SMAP1: variants seen among roughly 807,000 people sequenced by gnomAD.
SMAP1 encodes small ArfGAP 1.
A neutral mutation model predicts 58.5 loss-of-function variants in SMAP1; 24 were observed. The observed-to-expected ratio is 0.41, with a 90% CI of 0.30 to 0.58. The LOEUF (loss-of-function observed/expected upper bound fraction) is 0.58. Among genes scored for constraint, SMAP1 ranks in the 20% least tolerant of loss-of-function variants. The pLI, the probability that SMAP1 is intolerant of heterozygous loss-of-function variation, is 0.29. For synonymous variants in SMAP1, 216 were observed against 196.6 expected (o/e 1.10, Z -0.82); for missense variants, 563 against 566.3 (o/e 0.99, Z 0.06).
rs187530463 is a variant in SMAP1 at position 70,814,902 on chromosome 6, A to C, written c.576+16165A>C. ...CACACTGTGTTGTTAGCTTCTGTACATTGCTAAATGTTTACCTATCATCTA... is the reference window on the plus strand; with the variant it reads ...CACACTGTGTTGTTAGCTTCTGTACCTTGCTAAATGTTTACCTATCATCTA... On this transcript the variant is annotated intron_variant, in intron 6 of 10. Transcript: ENST00000370455. 3.4e-3 allele frequency among the ~76,000 whole-genome samples: 517 copies of C among 152,258 alleles called. 14 individuals carry two copies. The highest frequency in any genetic ancestry group is 0.028 in the Admixed American group (433 of 15,282).
intron 1 of SMAP1, among the ~76,000 whole-genome samples, chr6:70,710,932 G>A (rs1462700367): frequency 2.6e-5 from 4 of 151,966 alleles, no homozygotes; most frequent in Non-Finnish European, 5.9e-5. Flanking sequence ...GGACTCCACA[G>A]GTTCAGGATT....
intron 6 of SMAP1, among the ~76,000 whole-genome samples, chr6:70,834,596 C>G (rs1056364465): frequency 1.3e-5 from 2 of 152,190 alleles, no homozygotes; most frequent in Non-Finnish European, 2.9e-5. Context: ...CTTTAAGACA[C>G]TCTTCAGAGT....
chr6:70,683,417 G>A (rs1356701853), intron 1 of SMAP1, among the ~76,000 whole-genome samples: 1 of 151,794 alleles, frequency 6.6e-6, no homozygotes, highest in African/African-American at 2.4e-5. Context: ...TGATCCACCC[G>A]CCTTGGCCTC....
intron 7 of SMAP1, chr6:70,837,954 G>A (rs866579410): frequency 2.9e-5 from 31 of 1,087,668 alleles, no homozygotes; most frequent in Middle Eastern, 3.8e-4. Context: ...CTGGTACATC[G>A]TACAAATATA....
intron 3 of SMAP1, among the ~76,000 whole-genome samples, chr6:70,771,095 A>C (rs1441781149): frequency 6.6e-6 from 1 of 152,102 alleles, no homozygotes; most frequent in Non-Finnish European, 1.5e-5. Context: ...CTGCTGCCTG[A>C]TCGTTCCTCT....
At chr6:70,853,426 G>A (rs1016214379) in intron 8 of SMAP1, among the ~76,000 whole-genome samples, 7 of 152,064 alleles carry the variant, frequency 4.6e-5, no homozygotes, top group Non-Finnish European at 7.4e-5. Flanking sequence ...AGCAGTTTGT[G>A]CAGCATAATT....
intron 2 of SMAP1, among the ~76,000 whole-genome samples, chr6:70,747,299 C>T (rs137958878): frequency 1.2e-3 from 186 of 152,200 alleles, no homozygotes; most frequent in African/African-American, 4.1e-3. Context: ...AATCACTGAA[C>T]GCATACCACA....
At chr6:70,739,963 T>C (rs1253116021) in intron 2 of SMAP1, among the ~76,000 whole-genome samples, 1 of 152,184 alleles carries the variant, frequency 6.6e-6, no homozygotes, top group Admixed American at 6.5e-5. Context: ...GTTGTTCTGT[T>C]TTTCCATGTC....
intron 1 of SMAP1, among the ~76,000 whole-genome samples, chr6:70,683,566 T>C (rs567413556): frequency 1.3e-5 from 2 of 152,278 alleles, no homozygotes; most frequent in South Asian, 4.1e-4. Context: ...CACATTTCTC[T>C]CTTGACCAGT....
intron 2 of SMAP1, among the ~76,000 whole-genome samples, chr6:70,736,053 T>A (rs1042719369): frequency 6.6e-6 from 1 of 152,144 alleles, no homozygotes; most frequent in Non-Finnish European, 1.5e-5. Context: ...TACTAAGTTT[T>A]TCCTCAAGGT....
intron 6 of SMAP1, among the ~76,000 whole-genome samples, chr6:70,823,649 C>T (rs1304028222): frequency 1.3e-5 from 2 of 152,080 alleles, no homozygotes; most frequent in African/African-American, 2.4e-5. Context: ...TATGTACATC[C>T]TCCCATATAC....
At chr6:70,857,238 A>T in intron 9 of SMAP1, 1 of 417,288 alleles carries the variant, frequency 2.4e-6, no homozygotes, top group Non-Finnish European at 4.2e-6. Context: ...TTTATTTGGA[A>T]TTAACAAGCT....
chr6:70,851,308 G>A (rs1282652658), intron 7 of SMAP1, among the ~76,000 whole-genome samples: 2 of 152,278 alleles, frequency 1.3e-5, no homozygotes, highest in East Asian at 3.9e-4. Context: ...GTTGTACTTG[G>A]AAAAAGACAA....
At chr6:70,668,639 ACCTG>A in intron 1 of SMAP1, 1 of 1,535,752 alleles carries the variant, frequency 6.5e-7, no homozygotes, top group Non-Finnish European at 8.7e-7. Context: ...ATGGAGCCCT[ACCTG>A]CCTGCCCACC....
At chr6:70,832,129 C>T (rs1277032263) in intron 6 of SMAP1, among the ~76,000 whole-genome samples, 7 of 151,896 alleles carry the variant, frequency 4.6e-5, no homozygotes, top group Admixed American at 1.3e-4. Flanking sequence ...GTTGTTATTT[C>T]GTTTAAGTTC....
chr6:70,746,285 TTCAGTA>T (rs1254877155), intron 2 of SMAP1, among the ~76,000 whole-genome samples: 1 of 152,226 alleles, frequency 6.6e-6, no homozygotes, highest in African/African-American at 2.4e-5. Context: ...GTTTTGCCCA[TTCAGTA>T]TGATATTGGC....
chr6:70,785,097 A>G (rs1052836601), intron 4 of SMAP1, among the ~76,000 whole-genome samples: 1 of 152,202 alleles, frequency 6.6e-6, no homozygotes, highest in Non-Finnish European at 1.5e-5. Flanking sequence ...GATTATAACA[A>G]ACTGTCTCTC....
At position 70,712,795 on chromosome 6, in the gene SMAP1, T is replaced by TC. The variant is rs1454250053; in HGVS notation, c.119-19583_119-19582insC. 1.9e-3 allele frequency among the ~76,000 whole-genome samples: 287 copies of TC among 150,340 alleles called. 2 individuals carry two copies. The highest frequency in any genetic ancestry group is 6.1e-3 in the African/African-American group (250 of 40,980). On this transcript the variant is annotated intron_variant, in intron 1 of 10. Coordinates refer to ENST00000370455, the MANE Select transcript of SMAP1 (RefSeq NM_001044305.3). ...TTCTTTTCTTTTTTCTTTTTTTCTT[T>TC]TCTTTTTTTTTTTTTTGAGACAGAA...
intron 7 of SMAP1, among the ~76,000 whole-genome samples, chr6:70,842,513 G>A (rs757267086): frequency 3.3e-5 from 5 of 152,176 alleles, no homozygotes; most frequent in Non-Finnish European, 7.3e-5. Context: ...AGAAGGGACA[G>A]CTTCTTAGAA....
Sources: gnomAD v4.1 joint callset for allele counts (sites outside exome capture counted in the v4.1 genomes callset) on GRCh38, gnomAD v4.1.1 for gene constraint, MANE v1.5 for transcripts, NCBI Gene and HGNC (gene_info 2026-07-23, HGNC 2026-07-21) for gene names.